COLEC12: variants seen among roughly 807,000 people sequenced by gnomAD.
COLEC12 encodes collectin subfamily member 12.
A neutral mutation model predicts 71.1 loss-of-function variants in COLEC12; 33 were observed. The ratio of observed to expected loss-of-function variants is 0.46; its 90% CI spans 0.35 to 0.62. The LOEUF (loss-of-function observed/expected upper bound fraction) is 0.62, where lower values mean the gene tolerates loss of function less well. Ranked by LOEUF, COLEC12 falls within the 20% of genes least tolerant of loss-of-function variation. The probability of loss-of-function intolerance (pLI) is 0.00; values close to 1 mark genes in which losing one functional copy is unlikely to be tolerated. For synonymous variants in COLEC12, 350 were observed against 353.0 expected, an observed-to-expected ratio of 0.99 and a Z score of 0.10; for missense variants, 765 against 916.1, an observed-to-expected ratio of 0.84 and a Z score of 2.13.
chr18:473,521 G>A (rs1376877289), intron 2 of COLEC12, among the ~76,000 whole-genome samples: 4 of 151,962 alleles, frequency 2.6e-5, no homozygotes, highest in African/African-American at 4.8e-5. Context: ...GTGCCACAGC[G>A]CTCAGCTAAT....
chr18:472,518 G>GA (rs1313541195), intron 2 of COLEC12, among the ~76,000 whole-genome samples: 2 of 151,518 alleles, frequency 1.3e-5, no homozygotes, highest in African/African-American at 4.8e-5. Flanking sequence ...CATCTCTACA[G>GA]AAAAAAATTT....
At chr18:437,894 C>T (rs2127638) in intron 2 of COLEC12, among the ~76,000 whole-genome samples, 12,521 of 152,078 alleles carry the variant, frequency 0.082, 658 homozygotes, top group East Asian at 0.18. Flanking sequence ...AAACTAGACT[C>T]GGGAAAACAG....
At chr18:369,763 C>T (rs1287397542) in intron 2 of COLEC12, among the ~76,000 whole-genome samples, 1 of 152,136 alleles carries the variant, frequency 6.6e-6, no homozygotes, top group Non-Finnish European at 1.5e-5. Flanking sequence ...TTTCACCCCA[C>T]GGATACAGGC....
chr18:350,801 GC>G, intron 3 of COLEC12, among the ~76,000 whole-genome samples: 1 of 151,952 alleles, frequency 6.6e-6, no homozygotes, highest in Non-Finnish European at 1.5e-5. Flanking sequence ...GGTGGTACAC[GC>G]CTGTAACCTC....
chr18:351,323 A>G (rs531532951), intron 3 of COLEC12, among the ~76,000 whole-genome samples: 1 of 150,606 alleles, frequency 6.6e-6, no homozygotes, highest in Non-Finnish European at 1.5e-5. Context: ...GCTAAGTCCT[A>G]TTTGCTCTTC....
chr18:369,615 C>T (rs1377871765), intron 2 of COLEC12, among the ~76,000 whole-genome samples: 1 of 151,994 alleles, frequency 6.6e-6, no homozygotes, highest in African/African-American at 2.4e-5. Flanking sequence ...TGATATTTTA[C>T]ACATTAAATG....
rs1914408044 is a variant in COLEC12 at position 347,327 on chromosome 18, T to C, written c.295A>G (p.Lys99Glu). 1.2e-6 allele frequency: 2 copies of C among 1,610,894 alleles called. No homozygotes were observed. Among genetic ancestry groups the C allele is most frequent in the Admixed American group, 3.3e-5 (2 of 59,856 alleles). ...TCTGAGTTGGTGCTGATAGCTTTCTTCCCAGTTTGGTCACCTGGAATAAGA... is the reference window on the plus strand; with the variant it reads ...TCTGAGTTGGTGCTGATAGCTTTCTCCCCAGTTTGGTCACCTGGAATAAGA... ...DLKKLGDQTG[K>E]KAISTNSELS... Residue 99 changes from lysine to glutamate, a missense_variant, in exon 5 of 10, where the codon AAG (lysine) becomes GAG (glutamate). Coordinates refer to ENST00000400256, the MANE Select transcript of COLEC12 (RefSeq NM_130386.3).
rs142178651 is a variant in COLEC12 at position 459,750 on chromosome 18, C to G, written c.58+20957G>C. Among the ~76,000 whole-genome samples the G allele has an allele frequency of 9.6e-4, 147 of 152,344 alleles. 1 individual carries two copies. The highest frequency in any genetic ancestry group is 3.4e-3 in the African/African-American group (140 of 41,576). On this transcript the variant is annotated intron_variant, in intron 2 of 9. Coordinates refer to ENST00000400256, the MANE Select transcript of COLEC12 (RefSeq NM_130386.3). ...AATTTCCTGCCTCTCCCATGCCTCT[C>G]AGCTATGAGAGTACAGGAGAGAAAT...
At chr18:385,912 A>G (rs1159508986) in intron 2 of COLEC12, among the ~76,000 whole-genome samples, 1 of 152,190 alleles carries the variant, frequency 6.6e-6, no homozygotes, top group Non-Finnish European at 1.5e-5. Context: ...GAATGTATCT[A>G]GGGGAGATGT....
intron 2 of COLEC12, among the ~76,000 whole-genome samples, chr18:442,751 G>A (rs1422323379): frequency 6.6e-6 from 1 of 152,244 alleles, no homozygotes; most frequent in Non-Finnish European, 1.5e-5. Context: ...CACGAGGTAA[G>A]GAGATCGAGA....
chr18:345,199 C>T (rs1051819149), intron 5 of COLEC12, among the ~76,000 whole-genome samples: 1 of 152,222 alleles, frequency 6.6e-6, no homozygotes, highest in African/African-American at 2.4e-5. Context: ...CTGCTGAGCA[C>T]AGCATCTTCC....
intron 2 of COLEC12, among the ~76,000 whole-genome samples, chr18:392,121 C>A (rs1408294392): frequency 6.6e-6 from 1 of 152,162 alleles, no homozygotes; most frequent in African/African-American, 2.4e-5. Context: ...CAAAGAGCAT[C>A]CTTGGAGCAT....
At chr18:328,239 G>A (rs560299262) in intron 8 of COLEC12, among the ~76,000 whole-genome samples, 58 of 152,262 alleles carry the variant, frequency 3.8e-4, no homozygotes, top group African/African-American at 1.4e-3. Context: ...CACTGCTGGC[G>A]GCAGGGGAAA....
intron 1 of COLEC12, among the ~76,000 whole-genome samples, chr18:482,537 G>T (rs1477883709): frequency 6.6e-6 from 1 of 152,170 alleles, no homozygotes; most frequent in East Asian, 1.9e-4. Context: ...TCAAAGGCAT[G>T]TTGTTAGCAC....
Position 436,595 on chromosome 18 carries a change from T to A in COLEC12, c.58+44112A>T, listed in dbSNP as rs554457633. On this transcript the variant is annotated intron_variant, in intron 2 of 9. Transcript: ENST00000400256. ...TGGAGTTTTATGTTATAAAGGTAGA[T>A]TTGGTGTAGATATTACACAGATCTC... 5.3e-5 allele frequency among the ~76,000 whole-genome samples: 8 copies of A among 150,966 alleles called. No homozygotes were observed. In the East Asian group the frequency reaches 1.6e-3, roughly 29 times the overall value.
intron 6 of COLEC12, chr18:334,086 G>C (rs1294186499): frequency 6.6e-6 from 1 of 152,326 alleles, no homozygotes; most frequent in Non-Finnish European, 1.5e-5. Context: ...GCAGGAGTCT[G>C]AGTGGGAAGA....
chr18:486,767 G>A (rs1917526649), intron 1 of COLEC12, among the ~76,000 whole-genome samples: 1 of 152,236 alleles, frequency 6.6e-6, no homozygotes, highest in Non-Finnish European at 1.5e-5. Flanking sequence ...TAGGAGGACT[G>A]TTGGAACATA....
chr18:436,905 AT>A (rs749020637), intron 2 of COLEC12, among the ~76,000 whole-genome samples: 50 of 152,322 alleles, frequency 3.3e-4, no homozygotes, highest in Non-Finnish European at 5.3e-4. Flanking sequence ...TGCTCAAAAA[AT>A]ATCTGTTAAT....
chr18:319,341 A>ATATATAT lies in COLEC12; in HGVS notation c.*703_*704insATATATA, dbSNP rs61291034. 8.9e-5 allele frequency: 6 copies of ATATATAT among 67,176 alleles called. No homozygotes were observed. Among genetic ancestry groups the ATATATAT allele is most frequent in the East Asian group, 8.2e-4 (2 of 2,440 alleles). 4.2% of individuals were successfully genotyped at this position (67,176 alleles called of 1,614,324 possible). ...AACATTAAAAAAAAAAAAAAAAAAA[A>ATATATAT]ATATATATATATATATATATATACA... On this transcript the variant is annotated 3_prime_UTR_variant, in exon 10 of 10. Transcript: ENST00000400256.
Sources: gnomAD v4.1 joint callset for allele counts (sites outside exome capture counted in the v4.1 genomes callset) on GRCh38, gnomAD v4.1.1 for gene constraint, MANE v1.5 for transcripts, NCBI Gene and HGNC (gene_info 2026-07-23, HGNC 2026-07-21) for gene names.